Variants in SLC12A5 observed in about 807,000 individuals in gnomAD.
The protein encoded by SLC12A5 is K-Cl cotransporter 2.
A neutral mutation model predicts 124.0 loss-of-function variants in SLC12A5; 18 were observed. That is an observed-to-expected ratio of 0.15 (90% CI 0.10 to 0.22). The LOEUF is 0.22. SLC12A5 is among the 10% of genes least tolerant of loss of function. The pLI, the probability that SLC12A5 is intolerant of heterozygous loss-of-function variation, is 1.00. For synonymous variants in SLC12A5, 589 were observed against 568.0 expected (o/e 1.04, Z -0.53); for missense variants, 867 against 1,478.7 (o/e 0.59, Z 6.78).
At chr20:46,022,719 G>A (rs1274424519) in intron 1 of SLC12A5, 1 of 398,178 alleles carries the variant, frequency 2.5e-6, no homozygotes, top group Non-Finnish European at 4.4e-6. Context: ...GGTTGGGGGC[G>A]TCTTCCTCGC....
intron 4 of SLC12A5, 55 bp from the exon 5 acceptor site, chr20:46,036,686 C>T (rs1039572885): frequency 6.2e-7 from 1 of 1,600,184 alleles, no homozygotes; most frequent in Non-Finnish European, 8.6e-7. Flanking sequence ...GGCCCCCACC[C>T]AGGCCACTGC....
chr20:46,047,316 G>A, intron 14 of SLC12A5, 138 bp from the exon 15 acceptor site: 1 of 1,086,224 alleles, frequency 9.2e-7, no homozygotes, highest in Admixed American at 2.6e-5. Flanking sequence ...GGGGATGATG[G>A]TGTGAGTTCC....
chr20:46,036,612 C>A (rs1485773838), intron 4 of SLC12A5, 129 bp from the exon 5 acceptor site: 2 of 912,330 alleles, frequency 2.2e-6, no homozygotes, highest in South Asian at 1.5e-5. Flanking sequence ...TGGAACAGGT[C>A]CAGGGAGCAG....
At chr20:46,026,535 G>A (rs1157325055), upstream of SLC12A5, among the ~76,000 whole-genome samples, 3 of 152,254 alleles carry the variant, frequency 2.0e-5, no homozygotes, top group African/African-American at 7.2e-5. Flanking sequence ...GAGAGGTGAG[G>A]GGTGTCAGTG....
In SLC12A5 at chr20:46,034,973, T is replaced by C. The variant is rs2084483955; in HGVS notation, c.78T>C (p.Ser26=). ...GTGATGGCAACCCCAAGGAAAGCAG[T>C]CCCTTCATCAACAGCACCGACACAG... The part of the protein sequence containing the change: ...NPGDGNPKES[S]PFINSTDTEK... Residue 26 remains serine, a synonymous_variant, in exon 2 of 26, where the codon AGT becomes AGC. Coordinates refer to ENST00000243964, the MANE Select transcript of SLC12A5 (RefSeq NM_020708.5). The C allele has an allele frequency of 1.2e-6, 2 of 1,613,686 alleles. No individual in the cohort carries two copies. The highest frequency in any genetic ancestry group is 1.1e-5 in the South Asian group (1 of 91,054).
chr20:46,044,016 T>C, intron 11 of SLC12A5, 83 bp downstream of exon 11: 1 of 1,387,792 alleles, frequency 7.2e-7, no homozygotes, highest in Non-Finnish European at 9.7e-7. Context: ...CATCAGGAGG[T>C]GCTGGGACCT....
intron 18 of SLC12A5, among the ~76,000 whole-genome samples, chr20:46,052,205 T>C (rs2084652660): frequency 6.6e-6 from 1 of 152,232 alleles, no homozygotes; most frequent in Admixed American, 6.5e-5. Context: ...GCTGTGTGAC[T>C]GTGCACACGT....
At chr20:46,036,114 C>T in intron 4 of SLC12A5, 191 bp downstream of exon 4, 1 of 589,536 alleles carries the variant, frequency 1.7e-6, no homozygotes, top group Non-Finnish European at 2.8e-6. Flanking sequence ...TGGCTGTTAA[C>T]CAGGTTTCAC....
At position 46,053,251 on chromosome 20, in the gene SLC12A5, C is replaced by A; in HGVS notation, c.2547+125C>A. 9.4e-7 allele frequency: 1 copy of A among 1,068,380 alleles called. No individual in the cohort carries two copies. 66.2% of individuals were successfully genotyped at this position (1,068,380 alleles called of 1,614,324 possible). Reference sequence around the variant, plus strand: ...GGCCAGGGTCAGCTTCCGTGTCCTTCCTCCCCTGTAAACTCCTGGGAAAGG... The same window carrying A: ...GGCCAGGGTCAGCTTCCGTGTCCTTACTCCCCTGTAAACTCCTGGGAAAGG... On this transcript the variant is annotated intron_variant, in intron 19 of 25. Transcript: ENST00000243964. The surrounding 1 kb of genome is among the most constrained non-coding windows in gnomAD (Gnocchi z 4.7).
In SLC12A5 at chr20:46,056,804, G is replaced by A; in HGVS notation, c.3111-93G>A. 6.5e-6 allele frequency: 9 copies of A among 1,380,770 alleles called. No homozygotes were observed. Among genetic ancestry groups the A allele is most frequent in the Non-Finnish European group, 9.3e-6 (9 of 971,786 alleles). The allele number at this position is 1,380,770 out of a possible 1,614,324, so 85.5% of individuals were successfully genotyped here. On this transcript the variant is annotated intron_variant, in intron 23 of 25. Transcript: ENST00000243964. This position sits in a 1 kb window ranked among gnomAD's most constrained non-coding sequence, Gnocchi z 4.3. ...GGGGGCTGGCAGAGCAGGACTCAGGGCAGATGACCATGGCCCAAGCCCCCA... is the reference window on the plus strand; with the variant it reads ...GGGGGCTGGCAGAGCAGGACTCAGGACAGATGACCATGGCCCAAGCCCCCA...
chr20:46,033,042 TGAGGTG>T (rs1193896189), intron 1 of SLC12A5, among the ~76,000 whole-genome samples: 1 of 152,020 alleles, frequency 6.6e-6, no homozygotes, highest in Non-Finnish European at 1.5e-5. Flanking sequence ...CCTTGATGGA[TGAGGTG>T]GAGGTGGTGG....
intron 13 of SLC12A5, 125 bp from the exon 14 acceptor site, chr20:46,046,213 C>A: frequency 1.1e-6 from 1 of 923,430 alleles, no homozygotes. Flanking sequence ...TTCCTAAGCA[C>A]CACAGCATGA....
Position 46,043,247 on chromosome 20 carries a change from G to A in SLC12A5, c.1161G>A (p.Met387Ile), listed in dbSNP as rs771205120. The change falls in exon 9 of 26, where the codon ATG becomes ATA. Residue 387 changes from methionine to isoleucine, a missense_variant. Met to Ile is a conservative substitution (Grantham distance 10). Coordinates refer to ENST00000243964, the MANE Select transcript of SLC12A5 (RefSeq NM_020708.5). The part of the protein sequence containing the change: ...VGLADGTPID[M>I]DHPYVFSDMT... ...TGGCCGATGGCACTCCTATCGACAT[G>A]GACCACCCTTATGTCTTCAGTGATA... 1 of 1,614,068 alleles carries A rather than the reference G, an allele frequency of 6.2e-7. No individual in the cohort carries two copies. The highest frequency in any genetic ancestry group is 1.7e-5 in the Admixed American group (1 of 60,002).
In SLC12A5 at chr20:46,057,741, C is replaced by A; in HGVS notation, c.*136C>A. ...TGGCCCCTTACCCCGCTGCCTGAAG[C>A]CCGGAGGCCACGCCTGTTGGGGCTG... On this transcript the variant is annotated 3_prime_UTR_variant, in exon 26 of 26. Transcript: ENST00000243964. This position sits in a 1 kb window ranked among gnomAD's most constrained non-coding sequence, Gnocchi z 7.1. 1.5e-6 allele frequency: 1 copy of A among 680,214 alleles called. No individual in the cohort carries two copies. Among genetic ancestry groups the A allele is most frequent in the Non-Finnish European group, 2.4e-6 (1 of 419,094 alleles). The allele number at this position is 680,214 out of a possible 1,614,324, so 42.1% of individuals were successfully genotyped here.
In SLC12A5 at chr20:46,045,552, TAA is replaced by T. The variant is rs11405083; in HGVS notation, c.1570-317_1570-316del. Reference sequence around the variant, plus strand: ...AAAAGGGTAGCTTTTACCATGGTGCTAAAAAAAAAAGACGGATGGAGCACAGG... The same window carrying T: ...AAAAGGGTAGCTTTTACCATGGTGCTAAAAAAAAGACGGATGGAGCACAGG... On this transcript the variant is annotated intron_variant, in intron 12 of 25. Transcript: ENST00000243964. The surrounding 1 kb of genome is among the most constrained non-coding windows in gnomAD (Gnocchi z 4.9). Among the ~76,000 whole-genome samples, 6 of 148,270 alleles carry T rather than the reference TAA, an allele frequency of 4.0e-5. No homozygotes were observed. The highest frequency in any genetic ancestry group is 1.5e-4 in the African/African-American group (6 of 40,770).
intron 8 of SLC12A5, 146 bp from the exon 9 acceptor site, chr20:46,043,007 T>C (rs2084561334): frequency 1.2e-6 from 1 of 804,638 alleles, no homozygotes; most frequent in Admixed American, 2.3e-5. Context: ...TTAGGAAATG[T>C]CAGTGGAAAT....
chr20:46,043,128 C>A (rs373167229), intron 8 of SLC12A5, 25 bp from the exon 9 acceptor site: 9 of 1,610,608 alleles, frequency 5.6e-6, no homozygotes, highest in Non-Finnish European at 7.6e-6. Context: ...GCTGGCCTCC[C>A]CCTGAGCATT....
At position 46,045,815 on chromosome 20, in the gene SLC12A5, G is replaced by A; in HGVS notation, c.1570-63G>A. 1 of 1,384,480 alleles carries A rather than the reference G, an allele frequency of 7.2e-7. No individual in the cohort carries two copies. Among genetic ancestry groups the A allele is most frequent in the Non-Finnish European group, 1.0e-6 (1 of 978,960 alleles). The allele number at this position is 1,384,480 out of a possible 1,614,324, so 85.8% of individuals were successfully genotyped here. A position where few individuals can be genotyped will look rare whatever the true frequency, so the allele number is the denominator to read the frequency against. The stretch of plus-strand genomic sequence containing the variant: ...TGCCTCTACTCCACTGGTTCCCGAG[G>A]CTAGGGGAGAGGGCTGAGAAATCCT... On this transcript the variant is annotated intron_variant, in intron 12 of 25. Coordinates refer to ENST00000243964, the MANE Select transcript of SLC12A5 (RefSeq NM_020708.5). The surrounding 1 kb of genome is among the most constrained non-coding windows in gnomAD (Gnocchi z 4.9).
Position 46,040,428 on chromosome 20 carries a change from C to A in SLC12A5, c.668C>A (p.Ala223Glu). 6.2e-7 allele frequency: 1 copy of A among 1,614,246 alleles called. No homozygotes were observed. ...IFKAEDASGE[A>E]AAMLNNMRVY... ...AAGGCAGAAGATGCCAGTGGGGAGG[C>A]AGCAGCCATGCTGAACAACATGCGT... Residue 223 changes from alanine to glutamate, a missense_variant, in exon 7 of 26, where the codon GCA becomes GAA. Physicochemically the swap from Ala to Glu is moderately radical, Grantham distance 107. Coordinates refer to ENST00000243964, the MANE Select transcript of SLC12A5 (RefSeq NM_020708.5).
Sources: allele counts gnomAD v4.1 joint callset (sites outside exome capture counted in the v4.1 genomes callset), GRCh38; gene constraint gnomAD v4.1.1; non-coding constraint Gnocchi (gnomAD v3.1); transcripts MANE v1.5; gene names NCBI Gene and HGNC (gene_info 2026-07-23, HGNC 2026-07-21).